ELP4: variants seen among roughly 807,000 people sequenced by gnomAD.
The protein encoded by ELP4 is elongator acetyltransferase complex subunit 4.
ELP4 carries 51 observed loss-of-function variants against 48.9 expected under a neutral mutation model. That is an observed-to-expected ratio of 1.04 (90% CI 0.83 to 1.32). ELP4 has a LOEUF of 1.32. ELP4 is among the 40% of genes most tolerant of loss of function. The pLI, the probability that ELP4 is intolerant of heterozygous loss-of-function variation, is 0.00. For synonymous variants in ELP4, 210 were observed against 189.2 expected (o/e 1.11, Z -0.90); for missense variants, 519 against 514.6 (o/e 1.01, Z -0.08).
At chr11:31,654,207 G>A (rs1040508593) in intron 9 of ELP4, 2 of 150,752 alleles carry the variant, frequency 1.3e-5, no homozygotes, top group African/African-American at 4.8e-5. Context: ...TCAAGTCAGA[G>A]AGTACAGTAA....
At chr11:31,582,714 T>C (rs1347438938) in intron 3 of ELP4, among the ~76,000 whole-genome samples, 1 of 152,204 alleles carries the variant, frequency 6.6e-6, no homozygotes, top group African/African-American at 2.4e-5. Context: ...ATGAAACTTA[T>C]GAACTAGTAG....
chr11:31,700,945 G>T (rs1238075637), intron 9 of ELP4, among the ~76,000 whole-genome samples: 2 of 151,936 alleles, frequency 1.3e-5, no homozygotes, highest in Non-Finnish European at 2.9e-5. Flanking sequence ...TCTCCTCCGT[G>T]GTTTTCATCC....
intron 9 of ELP4, among the ~76,000 whole-genome samples, chr11:31,680,278 A>G (rs1299279013): frequency 6.6e-6 from 1 of 152,230 alleles, no homozygotes; most frequent in Admixed American, 6.5e-5. Flanking sequence ...TGTGAAGAAA[A>G]TTAAGCACTT....
At chr11:31,749,671 A>G (rs1947674606) in intron 9 of ELP4, among the ~76,000 whole-genome samples, 1 of 152,220 alleles carries the variant, frequency 6.6e-6, no homozygotes, top group Non-Finnish European at 1.5e-5. Flanking sequence ...AAAGAAAGGA[A>G]TTGTGGGAGA....
At chr11:31,639,361 G>C (rs1023493780) in intron 7 of ELP4, among the ~76,000 whole-genome samples, 3 of 151,816 alleles carry the variant, frequency 2.0e-5, no homozygotes, top group Admixed American at 6.6e-5. Flanking sequence ...TGTCAGTATA[G>C]TAAGTTGTAA....
chr11:31,570,292 G>A (rs1181646981), intron 3 of ELP4, among the ~76,000 whole-genome samples: 2 of 152,020 alleles, frequency 1.3e-5, no homozygotes, highest in Non-Finnish European at 2.9e-5. Flanking sequence ...TTATAAGTAG[G>A]AGCAAAACAT....
chr11:31,511,830 A>G (rs983448037), intron 1 of ELP4: 2 of 152,286 alleles, frequency 1.3e-5, no homozygotes, highest in Admixed American at 1.3e-4. Flanking sequence ...TAATTTTTAA[A>G]GTTTCCGTAT....
At chr11:31,723,679 G>T (rs1194739516) in intron 9 of ELP4, among the ~76,000 whole-genome samples, 2 of 152,124 alleles carry the variant, frequency 1.3e-5, no homozygotes, top group Non-Finnish European at 2.9e-5. Context: ...TGAAGTAACT[G>T]ATACCCAAGA....
intron 2 of ELP4, among the ~76,000 whole-genome samples, chr11:31,535,438 G>A (rs1432043830): frequency 2.0e-5 from 3 of 152,192 alleles, no homozygotes; most frequent in Middle Eastern, 6.8e-3. Flanking sequence ...GAGCTCTTGG[G>A]GCCAAGGGAT....
intron 9 of ELP4, among the ~76,000 whole-genome samples, chr11:31,745,400 C>A (rs1271806398): frequency 1.3e-5 from 2 of 152,166 alleles, no homozygotes; most frequent in Admixed American, 1.3e-4. Context: ...CTTTACAGTT[C>A]ATGTGGAACC....
chr11:31,661,375 C>T (rs1014190704), intron 9 of ELP4, among the ~76,000 whole-genome samples: 2 of 152,030 alleles, frequency 1.3e-5, no homozygotes, highest in Admixed American at 1.3e-4. Flanking sequence ...TTCAAGTAAT[C>T]TTCTCTGCTT....
intron 5 of ELP4, among the ~76,000 whole-genome samples, chr11:31,606,497 C>T (rs1229214706): frequency 6.6e-6 from 1 of 151,998 alleles, no homozygotes; most frequent in Non-Finnish European, 1.5e-5. Flanking sequence ...AGAAAAACTG[C>T]AGATCATTTA....
At chr11:31,579,678 C>G (rs954223783) in intron 3 of ELP4, among the ~76,000 whole-genome samples, 1 of 150,834 alleles carries the variant, frequency 6.6e-6, no homozygotes, top group Non-Finnish European at 1.5e-5. Flanking sequence ...AGCAAAGTAT[C>G]GCAAGGACAA....
chr11:31,527,407 C>G (rs1410150575), intron 2 of ELP4, among the ~76,000 whole-genome samples: 2 of 151,890 alleles, frequency 1.3e-5, no homozygotes, highest in African/African-American at 4.8e-5. Context: ...AACATTTCCT[C>G]CTAAATATCT....
chr11:31,780,000 GA>G (rs1948335117), intron 9 of ELP4: 1 of 152,136 alleles, frequency 6.6e-6, no homozygotes, highest in Non-Finnish European at 1.5e-5. Context: ...TATAAAATGA[GA>G]AATATGAATA....
chr11:31,615,699 T>C (rs1944466435), intron 5 of ELP4, among the ~76,000 whole-genome samples: 1 of 152,046 alleles, frequency 6.6e-6, no homozygotes, highest in South Asian at 2.1e-4. Context: ...CTATATTTCA[T>C]GTTTCTCACA....
chr11:31,749,794 G>A (rs1947678607), intron 9 of ELP4, among the ~76,000 whole-genome samples: 1 of 150,958 alleles, frequency 6.6e-6, no homozygotes, highest in Non-Finnish European at 1.5e-5. Context: ...TGCATTTCTT[G>A]AACATGCTCA....
intron 9 of ELP4, among the ~76,000 whole-genome samples, chr11:31,682,797 T>A (rs553985380): frequency 6.6e-6 from 1 of 152,196 alleles, no homozygotes; most frequent in Non-Finnish European, 1.5e-5. Context: ...AATGAGGCAG[T>A]TGTTCAGGGA....
Position 31,742,768 on chromosome 11 carries a change from A to T in ELP4, c.1144-40625A>T, listed in dbSNP as rs905953172. Among the ~76,000 whole-genome samples the T allele has an allele frequency of 5.6e-4, 86 of 152,336 alleles. 1 individual carries two copies. The highest frequency in any genetic ancestry group is 3.4e-3 in the Middle Eastern group (1 of 294). On this transcript the variant is annotated intron_variant, in intron 9 of 9. Transcript: ENST00000640961. ...GAAGGAAGCACTAAACATGGAAAGG[A>T]TCAACCAGTACGAGCCACTGCAAAA...
Sources: gnomAD v4.1 joint callset for allele counts (sites outside exome capture counted in the v4.1 genomes callset) on GRCh38, gnomAD v4.1.1 for gene constraint, MANE v1.5 for transcripts, NCBI Gene and HGNC (gene_info 2026-07-23, HGNC 2026-07-21) for gene names.